KIN: variants seen among roughly 807,000 people sequenced by gnomAD.
KIN encodes Kin17 DNA and RNA binding protein, also known as DNA/RNA-binding protein KIN17.
KIN carries 47 observed loss-of-function variants against 63.0 expected under a neutral mutation model. The observed-to-expected ratio is 0.75, with a 90% CI of 0.59 to 0.95. KIN has a LOEUF of 0.95. Ranked by LOEUF, KIN falls within the 40% of genes least tolerant of loss-of-function variation. The probability of loss-of-function intolerance (pLI) is 0.00; values close to 1 mark genes in which losing one functional copy is unlikely to be tolerated. For missense variants in KIN, 408 were observed against 460.9 expected (o/e 0.89, Z 1.05); for synonymous variants, 160 against 157.7 (o/e 1.01, Z -0.11).
chr10:7,780,081 A>T lies in KIN; in HGVS notation c.351T>A (p.Asp117Glu). The change falls in exon 4 of 13, where the codon GAT (aspartate) becomes GAA (glutamate). Residue 117 changes from aspartate (D) to glutamate (E), a missense_variant. Physicochemically the swap from Asp to Glu is conservative, Grantham distance 45 (BLOSUM62 2). This residue lies in a region of KIN where 110 missense variants were observed against 164.9 expected (regional missense o/e 0.67). Coordinates refer to ENST00000379562, the MANE Select transcript of KIN (RefSeq NM_012311.4). ...CTTCTCTGCCCAGCCACTTAGTAAA[A>T]TCAGTCAGAGTTTCCCACTGAGTGG... ...MNATQWETLT[D>E]FTKWLGREGL... 2 of 1,611,954 alleles carry T rather than the reference A, an allele frequency of 1.2e-6. No individual in the cohort carries two copies. The highest frequency in any genetic ancestry group is 3.3e-5 in the Admixed American group (2 of 59,742).
intron 2 of KIN, among the ~76,000 whole-genome samples, chr10:7,782,384 T>C (rs971135797): frequency 2.0e-5 from 3 of 150,682 alleles, no homozygotes; most frequent in Admixed American, 1.3e-4. Flanking sequence ...TTAGAAGAGG[T>C]TGCTATTTTT....
chr10:7,776,248 T>C lies in KIN; in HGVS notation c.559-449A>G, dbSNP rs182041290. On this transcript the variant is annotated intron_variant, in intron 5 of 12. Transcript: ENST00000379562. ...CCATCTCAAAAAAAAAAAAAAGAAA[T>C]TACATATTTTGGCCCAGTATGGTGG... 4.1e-3 allele frequency among the ~76,000 whole-genome samples: 582 copies of C among 142,864 alleles called. 4 individuals carry two copies. Among genetic ancestry groups the C allele is most frequent in the African/African-American group, 0.013 (490 of 38,424 alleles). 93.7% of individuals were successfully genotyped at this position (142,864 alleles called of 152,430 possible).
At chr10:7,774,725 GA>G (rs1835734266) in intron 7 of KIN, 105 bp downstream of exon 7, 1 of 916,098 alleles carries the variant, frequency 1.1e-6, no homozygotes, top group Non-Finnish European at 1.7e-6. Context: ...AAAAACAGGT[GA>G]AAACTACAAC....
Position 7,754,483 on chromosome 10 carries a change from A to C in KIN, c.*1597T>G, listed in dbSNP as rs973908543. On this transcript the variant is annotated 3_prime_UTR_variant, in exon 13 of 13. Coordinates refer to ENST00000379562, the MANE Select transcript of KIN (RefSeq NM_012311.4). ...CCTCATCTCTTCTAAAATTACAAAA[A>C]TTAGCTGGGCGTGGTGGCGCATGCC... The C allele has an allele frequency of 6.1e-6, 1 of 162,748 alleles. No homozygotes were observed. The highest frequency in any genetic ancestry group is 2.4e-5 in the African/African-American group (1 of 41,432). The allele number at this position is 162,748 out of a possible 1,614,324, so 10.1% of individuals were successfully genotyped here. A position where few individuals can be genotyped will look rare whatever the true frequency, so the allele number is the denominator to read the frequency against.
chr10:7,784,812 C>A (rs1323779940), intron 1 of KIN, among the ~76,000 whole-genome samples: 1 of 151,966 alleles, frequency 6.6e-6, no homozygotes, highest in Non-Finnish European at 1.5e-5. Flanking sequence ...TAAGTATTAC[C>A]CCAATACTCA....
chr10:7,763,655 A>T, intron 10 of KIN, 68 bp downstream of exon 10: 1 of 846,970 alleles, frequency 1.2e-6, no homozygotes, highest in Non-Finnish European at 1.9e-6. Flanking sequence ...TTCAAGAAAT[A>T]CCAAAATAGC....
At position 7,771,399 on chromosome 10, in the gene KIN, TC is replaced by T. The variant is rs1835663198; in HGVS notation, c.669-2055del. ...GGAAATGCTTATTAATCTATTGTTT[TC>T]TAAAGACTTTTCTCCACTTAAAAAA... On this transcript the variant is annotated intron_variant, in intron 7 of 12. Transcript: ENST00000379562. 1.3e-5 allele frequency among the ~76,000 whole-genome samples: 2 copies of T among 152,212 alleles called. 1 individual carries two copies. The highest frequency in any genetic ancestry group is 4.1e-4 in the South Asian group (2 of 4,828).
chr10:7,766,469 G>C, intron 8 of KIN: 1 of 209,968 alleles, frequency 4.8e-6, no homozygotes, highest in South Asian at 7.8e-5. Flanking sequence ...CATAACACAT[G>C]GATCAATGTA....
At chr10:7,785,376 A>G (rs1211622169) in intron 1 of KIN, among the ~76,000 whole-genome samples, 1 of 152,184 alleles carries the variant, frequency 6.6e-6, no homozygotes, top group African/African-American at 2.4e-5. Flanking sequence ...AAGCTTTTAG[A>G]TATAATTTCC....
intron 1 of KIN, among the ~76,000 whole-genome samples, chr10:7,783,881 C>G (rs1402691749): frequency 6.6e-6 from 1 of 152,056 alleles, no homozygotes; most frequent in African/African-American, 2.4e-5. Flanking sequence ...AATAGGAAGT[C>G]TATTCAGCTT....
intron 7 of KIN, among the ~76,000 whole-genome samples, chr10:7,773,338 G>A (rs1256654907): frequency 3.3e-5 from 5 of 152,132 alleles, no homozygotes; most frequent in Non-Finnish European, 5.9e-5. Context: ...ATACAAGGGA[G>A]GTCAATTGGG....
At chr10:7,782,124 T>C (rs2131032349) in intron 2 of KIN, among the ~76,000 whole-genome samples, 1 of 152,294 alleles carries the variant, frequency 6.6e-6, no homozygotes, top group South Asian at 2.1e-4. Flanking sequence ...TTTATTTCCA[T>C]GTGTTGATAC....
chr10:7,763,594 T>G (rs1431640355), intron 10 of KIN, 129 bp downstream of exon 10: 1 of 626,104 alleles, frequency 1.6e-6, no homozygotes, highest in East Asian at 2.9e-5. Context: ...TTCCATTTCA[T>G]GGAATAATCA....
intron 11 of KIN, among the ~76,000 whole-genome samples, chr10:7,760,547 TC>T: frequency 6.6e-6 from 1 of 152,224 alleles, no homozygotes; most frequent in African/African-American, 2.4e-5. Context: ...GGTACAGTAG[TC>T]CCCCCTTATC....
Position 7,769,285 on chromosome 10 carries a change from T to G in KIN, c.729A>C (p.Glu243Asp). ...IGSSASVKRK[E>D]SSQSSTQSKE... Reference sequence around the variant, plus strand: ...TAGACTGAGTTGAGCTCTGGGAAGATTCTTTTCGTTTCACTGATGCTGAAC... The same window carrying G: ...TAGACTGAGTTGAGCTCTGGGAAGAGTCTTTTCGTTTCACTGATGCTGAAC... The change falls in exon 8 of 13, where the codon GAA (glutamate) becomes GAC (aspartate). Residue 243 changes from glutamate (E) to aspartate (D), a missense_variant. Physicochemically the swap from Glu to Asp is conservative, Grantham distance 45 (BLOSUM62 2). Coordinates refer to ENST00000379562, the MANE Select transcript of KIN (RefSeq NM_012311.4). 1 of 1,613,844 alleles carries G rather than the reference T, an allele frequency of 6.2e-7. No homozygotes were observed. The highest frequency in any genetic ancestry group is 1.1e-5 in the South Asian group (1 of 91,056).
rs1835328148 is a variant in KIN at position 7,756,107 on chromosome 10, T to C, written c.1155A>G (p.Gln385=). Residue 385 remains glutamine, a synonymous_variant, in exon 13 of 13, where the codon CAA becomes CAG. Coordinates refer to ENST00000379562, the MANE Select transcript of KIN (RefSeq NM_012311.4). ...AGGCAAGTTTAGAAATGTCTTCATA[T>C]TGAATTCCTTCAACTCTGCGTCCTT... ...PLKGRRVEGI[Q]YEDISKLA is the part of the protein sequence containing the mutation. 3.1e-6 allele frequency: 5 copies of C among 1,591,070 alleles called. No individual in the cohort carries two copies. The African/African-American group carries it at 6.7e-5, about 21-fold the overall frequency.
Position 7,774,920 on chromosome 10 carries a change from T to C in KIN, c.608-29A>G, listed in dbSNP as rs375307171. 4.0e-6 allele frequency: 6 copies of C among 1,504,386 alleles called. No individual in the cohort carries two copies. In the African/African-American group the frequency reaches 4.1e-5, roughly 10 times the overall value. 93.2% of individuals were successfully genotyped at this position (1,504,386 alleles called of 1,614,324 possible). ...GAAGAAAAAAATGTTATTCCATACA[T>C]ACATTTCAAGAAAATCATAATAAAA... On this transcript the variant is annotated intron_variant, in intron 6 of 12. Transcript: ENST00000379562.
At chr10:7,785,271 A>C (rs1012307527) in intron 1 of KIN, among the ~76,000 whole-genome samples, 2 of 150,312 alleles carry the variant, frequency 1.3e-5, no homozygotes, top group Non-Finnish European at 3.0e-5. Flanking sequence ...AAAAAAAATC[A>C]TATTCCTCCC....
chr10:7,756,380 G>A (rs753511537), intron 12 of KIN, among the ~76,000 whole-genome samples: 8 of 152,184 alleles, frequency 5.3e-5, no homozygotes, highest in Non-Finnish European at 1.0e-4. Context: ...TTGTGGCAGA[G>A]ACCTGCAAGC....
Sources: allele counts gnomAD v4.1 joint callset (sites outside exome capture counted in the v4.1 genomes callset), GRCh38; gene constraint gnomAD v4.1.1; regional missense constraint gnomAD v4.1.1; transcripts MANE v1.5; gene names NCBI Gene and HGNC (gene_info 2026-07-23, HGNC 2026-07-21).